DOK6: variants seen among roughly 807,000 people sequenced by gnomAD.
DOK6 encodes downstream of tyrosine kinase 6.
In DOK6, 22 loss-of-function variants were observed where a neutral mutation model predicts 44.0. The ratio of observed to expected loss-of-function variants is 0.50; its 90% confidence interval spans 0.36 to 0.71. DOK6 has a LOEUF of 0.71. Ranked by LOEUF, DOK6 falls within the 30% of genes least tolerant of loss-of-function variation. The pLI, the probability that DOK6 is intolerant of heterozygous loss-of-function variation, is 0.00. For synonymous variants in DOK6, 166 were observed against 145.5 expected, an observed-to-expected ratio of 1.14 and a Z score of -1.01; for missense variants, 340 against 416.4, an observed-to-expected ratio of 0.82 and a Z score of 1.60.
chr18:69,647,060 T>C lies in DOK6; in HGVS notation c.290-30674T>C, dbSNP rs79186517. Among the ~76,000 whole-genome samples, 24 of 137,532 alleles carry C rather than the reference T, an allele frequency of 1.7e-4. 1 individual carries two copies. The highest frequency in any genetic ancestry group is 6.6e-4 in the East Asian group (3 of 4,552). The allele number at this position is 137,532 out of a possible 152,430, so 90.2% of individuals were successfully genotyped here. On this transcript the variant is annotated intron_variant, in intron 3 of 7. Coordinates refer to ENST00000382713, the MANE Select transcript of DOK6 (RefSeq NM_152721.6). ...GTCTATCCTGTCTATCTGTCTATCC[T>C]ATCTGTCTATCCCATCTGTCTATCC...
chr18:69,590,774 G>A lies in DOK6; in HGVS notation c.175-8610G>A, dbSNP rs140280901. Among the ~76,000 whole-genome samples the A allele has an allele frequency of 4.5e-3, 689 of 152,166 alleles. 3 individuals are homozygous for A. The highest frequency in any genetic ancestry group is 8.7e-3 in the African/African-American group (360 of 41,542). On this transcript the variant is annotated intron_variant, in intron 2 of 7. Coordinates refer to ENST00000382713, the MANE Select transcript of DOK6 (RefSeq NM_152721.6). ...GATGGGAACATAATGAAAATATTTC[G>A]GAAGAGAAAGAGTGAGGGCTTAAAT...
At chr18:69,732,183 G>A (rs1299575923) in intron 5 of DOK6, among the ~76,000 whole-genome samples, 1 of 152,050 alleles carries the variant, frequency 6.6e-6, no homozygotes, top group Non-Finnish European at 1.5e-5. Context: ...CATTTAAGGA[G>A]TACACGAGGT....
intron 3 of DOK6, among the ~76,000 whole-genome samples, chr18:69,657,529 ATAATC>A (rs1985400253): frequency 6.6e-6 from 1 of 152,220 alleles, no homozygotes; most frequent in Non-Finnish European, 1.5e-5. Context: ...TTACTACAGC[ATAATC>A]TAAGTAAAAG....
intron 1 of DOK6, among the ~76,000 whole-genome samples, chr18:69,442,375 G>A (rs1979160025): frequency 6.6e-6 from 1 of 152,106 alleles, no homozygotes; most frequent in Non-Finnish European, 1.5e-5. Context: ...GAGGCCTAAG[G>A]TAACTTACAA....
chr18:69,438,211 C>T (rs1979036908), intron 1 of DOK6, among the ~76,000 whole-genome samples: 1 of 152,052 alleles, frequency 6.6e-6, no homozygotes, highest in Non-Finnish European at 1.5e-5. Context: ...GCATTTTATC[C>T]ATAGTAGAAC....
intron 2 of DOK6, among the ~76,000 whole-genome samples, chr18:69,589,680 T>C (rs866385345): frequency 2.0e-5 from 3 of 152,112 alleles, no homozygotes; most frequent in Admixed American, 6.6e-5. Flanking sequence ...AAGATCTGCA[T>C]TGAGTGGTAA....
intron 1 of DOK6, among the ~76,000 whole-genome samples, chr18:69,474,976 G>T (rs1201909352): frequency 1.3e-5 from 2 of 152,008 alleles, no homozygotes; most frequent in Non-Finnish European, 2.9e-5. Context: ...TAAAATTTAT[G>T]TTCTTATATC....
chr18:69,757,084 T>G (rs1181608238), intron 6 of DOK6, among the ~76,000 whole-genome samples: 2 of 152,266 alleles, frequency 1.3e-5, no homozygotes, highest in African/African-American at 4.8e-5. Flanking sequence ...TGATATTGTG[T>G]GAATCTTCTC....
chr18:69,827,072 T>C (rs960504006), intron 7 of DOK6, among the ~76,000 whole-genome samples: 1 of 152,160 alleles, frequency 6.6e-6, no homozygotes, highest in Non-Finnish European at 1.5e-5. Context: ...TCATCAGATA[T>C]AGTATAGTGG....
intron 1 of DOK6, among the ~76,000 whole-genome samples, chr18:69,475,746 G>T (rs2144525858): frequency 6.6e-6 from 1 of 152,144 alleles, no homozygotes; most frequent in Admixed American, 6.5e-5. Context: ...TAGTAAACAT[G>T]CAACAACTAT....
intron 5 of DOK6, among the ~76,000 whole-genome samples, chr18:69,727,927 G>A (rs185290199): frequency 2.4e-4 from 36 of 152,266 alleles, no homozygotes; most frequent in Middle Eastern, 3.4e-3. Flanking sequence ...GTAGTTTGAT[G>A]TTTAAACACA....
intron 2 of DOK6, among the ~76,000 whole-genome samples, chr18:69,589,779 A>G (rs1486253149): frequency 6.6e-6 from 1 of 152,124 alleles, no homozygotes; most frequent in African/African-American, 2.4e-5. Context: ...TTAAATATAA[A>G]TTATATATTC....
intron 3 of DOK6, among the ~76,000 whole-genome samples, chr18:69,630,165 T>C (rs1244135995): frequency 6.6e-6 from 1 of 152,160 alleles, no homozygotes; most frequent in Non-Finnish European, 1.5e-5. Flanking sequence ...TTAGGTTATA[T>C]AAGCCCACCC....
At chr18:69,538,822 C>T (rs1489201143) in intron 1 of DOK6, among the ~76,000 whole-genome samples, 1 of 151,944 alleles carries the variant, frequency 6.6e-6, no homozygotes, top group Non-Finnish European at 1.5e-5. Context: ...CCTTCCTCCT[C>T]CTCCCTTCTT....
chr18:69,586,201 A>G (rs1983496097), intron 2 of DOK6, among the ~76,000 whole-genome samples: 1 of 152,188 alleles, frequency 6.6e-6, no homozygotes, highest in Non-Finnish European at 1.5e-5. Context: ...GACTTGCTTA[A>G]ATATTAGCCA....
At chr18:69,630,262 T>C (rs911353797) in intron 3 of DOK6, among the ~76,000 whole-genome samples, 5 of 152,200 alleles carry the variant, frequency 3.3e-5, no homozygotes, top group African/African-American at 7.2e-5. Flanking sequence ...TTGACCATTT[T>C]ACATGTGATG....
At chr18:69,731,131 A>C (rs1457657548) in intron 5 of DOK6, among the ~76,000 whole-genome samples, 1 of 152,138 alleles carries the variant, frequency 6.6e-6, no homozygotes, top group Non-Finnish European at 1.5e-5. Flanking sequence ...GTGATCTGTC[A>C]ACTGAAAATC....
intron 3 of DOK6, among the ~76,000 whole-genome samples, chr18:69,627,510 G>A (rs549822613): frequency 1.2e-4 from 19 of 152,176 alleles, no homozygotes; most frequent in African/African-American, 4.6e-4. Flanking sequence ...GGGCAATGGA[G>A]CCATCTCGGC....
At chr18:69,835,516 A>G (rs1982028223) in intron 7 of DOK6, among the ~76,000 whole-genome samples, 1 of 151,656 alleles carries the variant, frequency 6.6e-6, no homozygotes, top group Non-Finnish European at 1.5e-5. Flanking sequence ...CCCCCAATTC[A>G]TTGCAGTAAG....
Sources: allele counts gnomAD v4.1 joint callset (sites outside exome capture counted in the v4.1 genomes callset), GRCh38; gene constraint gnomAD v4.1.1; transcripts MANE v1.5; gene names NCBI Gene and HGNC (gene_info 2026-07-23, HGNC 2026-07-21).